The following SNED1 variants were observed in gnomAD, a reference collection of about 807,000 sequenced individuals.
SNED1 encodes the protein sushi, nidogen and EGF-like domain-containing protein 1.
Under a neutral mutation model 166.7 loss-of-function variants are expected in SNED1, and 81 were observed. The ratio of observed to expected loss-of-function variants is 0.49; its 90% CI spans 0.41 to 0.58. The LOEUF (loss-of-function observed/expected upper bound fraction) is 0.58, where lower values mean the gene tolerates loss of function less well. Among genes scored for constraint, SNED1 ranks in the 20% least tolerant of loss-of-function variants. The pLI is 0.00. For missense variants in SNED1, 1,604 were observed against 2,000.2 expected (o/e 0.80, Z 3.78); for synonymous variants, 762 against 822.0 (o/e 0.93, Z 1.25).
chr2:241,094,329 T>C lies in SNED1; in HGVS notation c.*2693T>C. On this transcript the variant is annotated 3_prime_UTR_variant, in exon 32 of 32. Transcript: ENST00000310397. This position sits in a 1 kb window ranked among gnomAD's most constrained non-coding sequence, Gnocchi z 4.3. ...CCTTCCACTGGCAAAGGACTGCCAC[T>C]GCCATCTGACTCAACTGTGGCGATG... is the stretch of plus-strand genomic sequence containing the variant. The C allele has an allele frequency of 2.1e-6, 1 of 470,426 alleles. No individual in the cohort carries two copies. The highest frequency in any genetic ancestry group is 4.4e-6 in the Non-Finnish European group (1 of 226,906). 29.1% of individuals were successfully genotyped at this position (470,426 alleles called of 1,614,324 possible).
chr2:241,025,076 C>T (rs758769746), intron 1 of SNED1, among the ~76,000 whole-genome samples: 1 of 152,150 alleles, frequency 6.6e-6, no homozygotes, highest in Non-Finnish European at 1.5e-5. Context: ...GGCTGCAGAC[C>T]AGTACTGGTC....
Position 241,052,484 on chromosome 2 carries a change from GGA to G in SNED1, c.2083+17_2083+18del, listed in dbSNP as rs201895608. The G allele has an allele frequency of 1.3e-6, 2 of 1,568,174 alleles. No individual in the cohort carries two copies. The highest frequency in any genetic ancestry group is 2.3e-5 in the East Asian group (1 of 44,018). On this transcript the variant is annotated intron_variant, in intron 15 of 31. Transcript: ENST00000310397. ...TGCCAGGCAGGTGAGAGGGTCAGGG[GGA>G]TCAAGCAGGGTACATGGGATACCAG...
chr2:241,049,166 CGGGGG>C, intron 11 of SNED1, 31 bp downstream of exon 11: 1 of 1,555,394 alleles, frequency 6.4e-7, no homozygotes, highest in Non-Finnish European at 8.8e-7. Context: ...CCTGCTGGGC[CGGGGG>C]CCCGGACAGA....
At position 241,075,635 on chromosome 2, in the gene SNED1, T is replaced by A. The variant is rs2062984841; in HGVS notation, c.3916+2271T>A. ...TTGTCAGGTCTGTGTTCTGCAGGTA[T>A]CTTCCTCCAGCCTCTGGCTTGTCCT... On this transcript the variant is annotated intron_variant, in intron 27 of 31. Coordinates refer to ENST00000310397, the MANE Select transcript of SNED1 (RefSeq NM_001080437.3). This position sits in a 1 kb window ranked among gnomAD's most constrained non-coding sequence, Gnocchi z 4.8. The A allele has an allele frequency of 6.6e-6, 1 of 152,210 alleles. No homozygotes were observed. Among genetic ancestry groups the A allele is most frequent in the African/African-American group, 2.4e-5 (1 of 41,452 alleles). The allele number at this position is 152,210 out of a possible 1,614,324, so 9.4% of individuals were successfully genotyped here. A position where few individuals can be genotyped will look rare whatever the true frequency, so the allele number is the denominator to read the frequency against.
intron 21 of SNED1, among the ~76,000 whole-genome samples, 175 bp from the exon 22 acceptor site, chr2:241,067,589 G>A (rs1162661853): frequency 1.3e-5 from 2 of 152,118 alleles, no homozygotes; most frequent in African/African-American, 4.8e-5. Context: ...AGCCCTGGAG[G>A]CCAGAGCCTG....
At chr2:241,038,445 T>A (rs1485059796) in intron 6 of SNED1, among the ~76,000 whole-genome samples, 1 of 152,222 alleles carries the variant, frequency 6.6e-6, no homozygotes, top group Non-Finnish European at 1.5e-5. Context: ...AGGAATGCAA[T>A]GGAAATGTGA....
chr2:241,042,232 A>G (rs2061540811), intron 8 of SNED1, among the ~76,000 whole-genome samples: 1 of 152,226 alleles, frequency 6.6e-6, no homozygotes, highest in Admixed American at 6.5e-5. Context: ...GGCTGGGGAA[A>G]GAACCACTAG....
rs1047715474 is a variant in SNED1 at position 241,064,350 on chromosome 2, C to T, written c.2599+225C>T. Among the ~76,000 whole-genome samples the T allele has an allele frequency of 6.6e-6, 1 of 152,114 alleles. No homozygotes were observed. The highest frequency in any genetic ancestry group is 1.9e-4 in the East Asian group (1 of 5,172). On this transcript the variant is annotated intron_variant, in intron 19 of 31. Transcript: ENST00000310397. The surrounding 1 kb of genome is among the most constrained non-coding windows in gnomAD (Gnocchi z 7.0). ...AAACCTCCCCATCTCCTGCGCTCAC[C>T]CCCCAGACACCCCTCTTCACCCGAG... is the stretch of plus-strand genomic sequence containing the variant.
At chr2:241,001,857 G>A (rs1320080119) in intron 1 of SNED1, among the ~76,000 whole-genome samples, 2 of 152,274 alleles carry the variant, frequency 1.3e-5, no homozygotes, top group African/African-American at 4.8e-5. Context: ...GGGAGGATTT[G>A]AGGGTCAAGA....
At chr2:241,039,979 T>G in intron 6 of SNED1, 96 bp from the exon 7 acceptor site, 3 of 971,284 alleles carry the variant, frequency 3.1e-6, no homozygotes, top group South Asian at 1.5e-5. Flanking sequence ...TGTAAGCCAG[T>G]TGGGGGTGGG....
chr2:241,090,282 G>A, intron 31 of SNED1: 6 of 1,545,636 alleles, frequency 3.9e-6, no homozygotes, highest in Non-Finnish European at 4.4e-6. Flanking sequence ...GCCTACACAG[G>A]GGCAGGATCA....
At chr2:241,016,170 C>G (rs1299052112) in intron 1 of SNED1, among the ~76,000 whole-genome samples, 6 of 141,528 alleles carry the variant, frequency 4.2e-5, no homozygotes, top group African/African-American at 1.7e-4. Flanking sequence ...CTAACAAAAG[C>G]CCACTCTGTC....
At chr2:241,042,049 A>G (rs1251845479) in intron 8 of SNED1, among the ~76,000 whole-genome samples, 3 of 152,084 alleles carry the variant, frequency 2.0e-5, no homozygotes, top group Non-Finnish European at 2.9e-5. Flanking sequence ...TTTCCACTCC[A>G]CTGTGCTGGG....
At chr2:241,024,450 T>C (rs1464063904) in intron 1 of SNED1, among the ~76,000 whole-genome samples, 1 of 150,832 alleles carries the variant, frequency 6.6e-6, no homozygotes, top group Non-Finnish European at 1.5e-5. Flanking sequence ...GGTTTCACTA[T>C]GTTGGCCAGG....
At chr2:241,048,112 G>C (rs2061713614) in intron 8 of SNED1, among the ~76,000 whole-genome samples, 2 of 152,248 alleles carry the variant, frequency 1.3e-5, no homozygotes, top group Non-Finnish European at 2.9e-5. Context: ...TTCTTGTTCT[G>C]TCGAGGAAGG....
At position 241,091,090 on chromosome 2, in the gene SNED1, C is replaced by T. The variant is rs953548934; in HGVS notation, c.*2-548C>T. 1.3e-5 allele frequency among the ~76,000 whole-genome samples: 2 copies of T among 152,210 alleles called. No individual in the cohort carries two copies. The highest frequency in any genetic ancestry group is 3.9e-4 in the East Asian group (2 of 5,182). ...TTTTTAAATGCTTGCCTAGCACATCCACTCCCATAAAAACAAATCAGAAAC... is the reference window on the plus strand; with the variant it reads ...TTTTTAAATGCTTGCCTAGCACATCTACTCCCATAAAAACAAATCAGAAAC... On this transcript the variant is annotated intron_variant, in intron 31 of 31. Coordinates refer to ENST00000310397, the MANE Select transcript of SNED1 (RefSeq NM_001080437.3). This position sits in a 1 kb window ranked among gnomAD's most constrained non-coding sequence, Gnocchi z 4.1.
chr2:241,072,262 T>A (rs949458676), intron 26 of SNED1: 4 of 475,894 alleles, frequency 8.4e-6, no homozygotes, highest in Non-Finnish European at 1.7e-5. Flanking sequence ...AACCCGCCAC[T>A]CCGAGTGTGG....
intron 1 of SNED1, among the ~76,000 whole-genome samples, chr2:241,003,024 C>T (rs1390978275): frequency 6.6e-6 from 1 of 152,056 alleles, no homozygotes; most frequent in Non-Finnish European, 1.5e-5. Flanking sequence ...CTGCCCTCCT[C>T]TGTGCAGAGT....
chr2:241,025,115 A>G (rs2060914490), intron 1 of SNED1, among the ~76,000 whole-genome samples: 1 of 152,210 alleles, frequency 6.6e-6, no homozygotes, highest in Non-Finnish European at 1.5e-5. Context: ...AGCAAGCAGC[A>G]GGAGAGTGAG....
Sources: allele counts gnomAD v4.1 joint callset (sites outside exome capture counted in the v4.1 genomes callset), GRCh38; gene constraint gnomAD v4.1.1; non-coding constraint Gnocchi (gnomAD v3.1); transcripts MANE v1.5; gene names NCBI Gene and HGNC (gene_info 2026-07-23, HGNC 2026-07-21).